Variants in TRPC5 observed in about 807,000 individuals in gnomAD.
TRPC5 encodes the protein short transient receptor potential channel 5.
Under a neutral mutation model 56.5 loss-of-function variants are expected in TRPC5, and 9 were observed. That is an observed-to-expected ratio of 0.16 (90% CI 0.10 to 0.28). The LOEUF (loss-of-function observed/expected upper bound fraction) is 0.28. Among genes scored for constraint, TRPC5 ranks in the 10% least tolerant of loss-of-function variants. TRPC5 has a pLI of 1.00. For synonymous variants in TRPC5, 282 were observed against 278.5 expected (o/e 1.01, Z -0.13); for missense variants, 469 against 748.9 (o/e 0.63, Z 4.36).
In TRPC5 at chrX:112,008,995, T is replaced by C. The variant is rs148864191; in HGVS notation, c.-21-56554A>G. 2.9e-3 allele frequency among the ~76,000 whole-genome samples: 327 copies of C among 111,658 alleles called. 1 individual carries two copies. The highest frequency in any genetic ancestry group is 9.8e-3 in the African/African-American group (302 of 30,709). ...TTATCCAGACCATGTGAGGGTTTTCTTGTGCCTTCTGACCTGGATGCTTTA... is the reference window on the plus strand; with the variant it reads ...TTATCCAGACCATGTGAGGGTTTTCCTGTGCCTTCTGACCTGGATGCTTTA... On this transcript the variant is annotated intron_variant, in intron 1 of 10. Coordinates refer to ENST00000262839, the MANE Select transcript of TRPC5 (RefSeq NM_012471.3).
intron 1 of TRPC5, among the ~76,000 whole-genome samples, chrX:112,021,357 C>A (rs929661302): frequency 9.0e-6 from 1 of 111,442 alleles, no homozygotes; most frequent in Non-Finnish European, 1.9e-5. Context: ...GGGAGGCCTG[C>A]GGAAGATTAG....
intron 3 of TRPC5, among the ~76,000 whole-genome samples, chrX:111,905,878 G>A (rs1462706727): frequency 1.0e-4 from 10 of 97,837 alleles, no homozygotes; most frequent in African/African-American, 1.6e-4. Flanking sequence ...TCGTGCCACT[G>A]CACTCCAGCC....
intron 7 of TRPC5, among the ~76,000 whole-genome samples, chrX:111,799,042 G>GT (rs1921214136): frequency 9.0e-6 from 1 of 111,383 alleles, no homozygotes; most frequent in African/African-American, 3.3e-5. Flanking sequence ...GCCTGAATAG[G>GT]TTTTTTAATG....
intron 1 of TRPC5, among the ~76,000 whole-genome samples, chrX:111,978,918 A>G (rs1412641508): frequency 9.0e-6 from 1 of 111,500 alleles, no homozygotes; most frequent in Non-Finnish European, 1.9e-5. Flanking sequence ...AAAGACCCGC[A>G]GCTAACATCA....
intron 7 of TRPC5, among the ~76,000 whole-genome samples, chrX:111,800,234 A>G (rs977199423): frequency 9.0e-6 from 1 of 111,673 alleles, no homozygotes; most frequent in African/African-American, 3.3e-5. Flanking sequence ...CAACGTGAAG[A>G]TAATAAGGAT....
intron 8 of TRPC5, 49 bp from the exon 9 acceptor site, chrX:111,781,255 C>T: frequency 5.6e-6 from 6 of 1,065,890 alleles, no homozygotes; most frequent in African/African-American, 1.8e-5. Flanking sequence ...CTCCCAGCAC[C>T]CTACCCACCC....
intron 3 of TRPC5, among the ~76,000 whole-genome samples, chrX:111,860,399 ATTAGT>A: frequency 8.9e-6 from 1 of 112,550 alleles, no homozygotes; most frequent in South Asian, 3.6e-4. Context: ...TGGTTTTTTT[ATTAGT>A]TTATTCTATT....
At chrX:111,804,395 A>G (rs191833946) in intron 7 of TRPC5, among the ~76,000 whole-genome samples, 1 of 111,824 alleles carries the variant, frequency 8.9e-6, no homozygotes, top group African/African-American at 3.3e-5. Context: ...GAAGGAAGTC[A>G]TTGGTAGCTT....
At chrX:111,840,415 G>A (rs1371300354) in intron 6 of TRPC5, among the ~76,000 whole-genome samples, 1 of 111,989 alleles carries the variant, frequency 8.9e-6, no homozygotes, top group East Asian at 2.8e-4. Context: ...TATATTTATA[G>A]CATGTAAATG....
intron 2 of TRPC5, among the ~76,000 whole-genome samples, chrX:111,941,890 A>C (rs1330737712): frequency 8.9e-6 from 1 of 112,012 alleles, no homozygotes; most frequent in Non-Finnish European, 1.9e-5. Context: ...GTCTGTGAGG[A>C]CTGTGGGACT....
intron 2 of TRPC5, among the ~76,000 whole-genome samples, chrX:111,926,569 C>T (rs1174692502): frequency 9.0e-6 from 1 of 111,264 alleles, no homozygotes; most frequent in African/African-American, 3.3e-5. Context: ...TACAAGAGGC[C>T]GGCTGAATCA....
chrX:111,944,991 C>G (rs189532046), intron 2 of TRPC5, among the ~76,000 whole-genome samples: 2 of 110,945 alleles, frequency 1.8e-5, no homozygotes, highest in Admixed American at 1.9e-4. Context: ...CAGAGAGGTA[C>G]GTGGACCTCT....
chrX:112,079,503 A>G (rs1041718031), intron 1 of TRPC5, among the ~76,000 whole-genome samples: 4 of 112,294 alleles, frequency 3.6e-5, no homozygotes, highest in African/African-American at 1.3e-4. Context: ...AAGATGCTTC[A>G]CATATGAGTT....
intron 7 of TRPC5, among the ~76,000 whole-genome samples, chrX:111,799,287 G>A (rs1921225427): frequency 9.0e-6 from 1 of 111,469 alleles, no homozygotes; most frequent in Admixed American, 9.6e-5. Flanking sequence ...CCTGGACAAT[G>A]AGAACCCTTT....
intron 7 of TRPC5, among the ~76,000 whole-genome samples, chrX:111,787,874 A>G (rs1472401746): frequency 9.0e-6 from 1 of 111,552 alleles, no homozygotes; most frequent in African/African-American, 3.3e-5. Flanking sequence ...AAGAAGTTGA[A>G]TCTCTGAATA....
At chrX:112,041,102 T>A (rs1300811113) in intron 1 of TRPC5, among the ~76,000 whole-genome samples, 1 of 111,598 alleles carries the variant, frequency 9.0e-6, no homozygotes, top group East Asian at 2.8e-4. Flanking sequence ...ATTTCCAACC[T>A]ACTATACAAG....
chrX:111,931,889 A>G (rs1389431626), intron 2 of TRPC5, among the ~76,000 whole-genome samples: 1 of 112,041 alleles, frequency 8.9e-6, no homozygotes, highest in Admixed American at 9.5e-5. Flanking sequence ...AATGCATGTT[A>G]TATACCTAGG....
chrX:111,934,518 A>T (rs1926510336), intron 2 of TRPC5, among the ~76,000 whole-genome samples: 1 of 110,947 alleles, frequency 9.0e-6, no homozygotes, highest in African/African-American at 3.3e-5. Flanking sequence ...TGTACCGTAA[A>T]ATATTTTTGT....
chrX:111,982,237 A>C (rs1928102385), intron 1 of TRPC5, among the ~76,000 whole-genome samples: 2 of 111,995 alleles, frequency 1.8e-5, no homozygotes, highest in South Asian at 7.5e-4. Flanking sequence ...GGAATAATAT[A>C]ATATTCGTTA....
Sources: gnomAD v4.1 joint callset for allele counts (sites outside exome capture counted in the v4.1 genomes callset) on GRCh38, gnomAD v4.1.1 for gene constraint, MANE v1.5 for transcripts, NCBI Gene and HGNC (gene_info 2026-07-23, HGNC 2026-07-21) for gene names.